EFHB: variants seen among roughly 807,000 people sequenced by gnomAD.
The protein encoded by EFHB is EF-hand domain family member B.
Under a neutral mutation model 87.2 loss-of-function variants are expected in EFHB, and 91 were observed. The ratio of observed to expected loss-of-function variants is 1.04; its 90% CI spans 0.88 to 1.24. The LOEUF (loss-of-function observed/expected upper bound fraction) is 1.24. Among genes scored for constraint, EFHB ranks in the 50% most tolerant of loss-of-function variants. The pLI is 0.00. For synonymous variants in EFHB, 325 were observed against 333.6 expected, an observed-to-expected ratio of 0.97 and a Z score of 0.28; for missense variants, 1,084 against 998.8, an observed-to-expected ratio of 1.09 and a Z score of -1.15.
chr3:19,884,142 ATAACATTCAAT>A (rs1438381807), intron 11 of EFHB, among the ~76,000 whole-genome samples: 49 of 152,234 alleles, frequency 3.2e-4, no homozygotes, highest in Non-Finnish European at 5.6e-4. Context: ...ACTACAATGT[ATAACATTCAAT>A]GTTCTGATCT....
intron 6 of EFHB, among the ~76,000 whole-genome samples, chr3:19,903,593 G>A (rs1378101473): frequency 6.6e-6 from 1 of 151,868 alleles, no homozygotes. Flanking sequence ...TATTTATTAT[G>A]TAAATGCTTC....
intron 9 of EFHB, among the ~76,000 whole-genome samples, chr3:19,892,095 T>C (rs924026180): frequency 1.3e-5 from 2 of 152,148 alleles, no homozygotes; most frequent in African/African-American, 4.8e-5. Flanking sequence ...AGTCCAATCA[T>C]ATGGGTCTAG....
At chr3:19,899,151 A>T (rs1031428239) in intron 7 of EFHB, among the ~76,000 whole-genome samples, 1 of 152,226 alleles carries the variant, frequency 6.6e-6, no homozygotes, top group African/African-American at 2.4e-5. Context: ...AAGACAAAGA[A>T]AAATATAAAC....
intron 1 of EFHB, among the ~76,000 whole-genome samples, chr3:19,932,914 G>A (rs1342032280): frequency 1.3e-5 from 2 of 152,108 alleles, no homozygotes; most frequent in Non-Finnish European, 2.9e-5. Context: ...TGAATATTAG[G>A]GCACAGCATG....
In EFHB at chr3:19,905,701, C is replaced by T; in HGVS notation, c.1337G>A (p.Ser446Asn). The T allele has an allele frequency of 6.2e-7, 1 of 1,613,586 alleles. No homozygotes were observed. Among genetic ancestry groups the T allele is most frequent in the South Asian group, 1.1e-5 (1 of 91,040 alleles). Residue 446 changes from serine (S) to asparagine (N), a missense_variant, in exon 6 of 13, where the codon AGT becomes AAT. Transcript: ENST00000295824. ...KYNPSSFHRC[S>N]VYGVPTPHFN... ...ATGTGGTGTTGGTACTCCATACACA[C>T]TACACCTATGGAAACTTGATGGGTT...
chr3:19,915,808 A>G (rs941451462), intron 4 of EFHB, among the ~76,000 whole-genome samples: 1 of 151,752 alleles, frequency 6.6e-6, no homozygotes, highest in African/African-American at 2.4e-5. Flanking sequence ...CGCCATCTCT[A>G]CTGAAAATAC....
At chr3:19,916,523 A>T (rs1695238863) in intron 4 of EFHB, among the ~76,000 whole-genome samples, 1 of 151,860 alleles carries the variant, frequency 6.6e-6, no homozygotes, top group South Asian at 2.1e-4. Flanking sequence ...TCAAAAAAAA[A>T]ATTAATTCAT....
chr3:19,935,303 G>T (rs1356110385), upstream of EFHB, among the ~76,000 whole-genome samples: 1 of 152,294 alleles, frequency 6.6e-6, no homozygotes, highest in East Asian at 1.9e-4. Context: ...TTGTTTTTAA[G>T]TAGGAGATTT....
chr3:19,893,245 T>C (rs1694364769), intron 9 of EFHB, among the ~76,000 whole-genome samples: 1 of 152,196 alleles, frequency 6.6e-6, no homozygotes, highest in South Asian at 2.1e-4. Context: ...CCAGCCCATA[T>C]TCTCTATTTT....
In EFHB at chr3:19,915,409, G is replaced by A. The variant is rs755470847; in HGVS notation, c.1182C>T (p.Tyr394=). Residue 394 remains tyrosine, a synonymous_variant, in exon 5 of 13, where the codon TAC becomes TAT. Coordinates refer to ENST00000295824, the MANE Select transcript of EFHB (RefSeq NM_144715.4). ...TTFGTAVIKE[Y]SAKDVVNPPK... Reference sequence around the variant, plus strand: ...GTGGATTCACCACATCTTTAGCAGAGTATTCTGAAGGAAGAATTAATAAAA... The same window carrying A: ...GTGGATTCACCACATCTTTAGCAGAATATTCTGAAGGAAGAATTAATAAAA... 1.3e-6 allele frequency: 2 copies of A among 1,594,806 alleles called. No individual in the cohort carries two copies. The highest frequency in any genetic ancestry group is 2.2e-5 in the East Asian group (1 of 44,692).
At chr3:19,879,912 T>G in intron 12 of EFHB, 108 bp from the exon 13 acceptor site, 2 of 1,092,706 alleles carry the variant, frequency 1.8e-6, no homozygotes, top group Non-Finnish European at 2.6e-6. Flanking sequence ...AAAAAGTATG[T>G]GTGAAAAGTA....
chr3:19,916,468 T>A (rs941584325), intron 4 of EFHB, among the ~76,000 whole-genome samples: 5 of 151,508 alleles, frequency 3.3e-5, no homozygotes, highest in African/African-American at 1.2e-4. Context: ...GGAGCCAAGA[T>A]CACGACACTG....
chr3:19,879,904 A>C, intron 12 of EFHB, 100 bp from the exon 13 acceptor site: 1 of 1,198,310 alleles, frequency 8.3e-7, no homozygotes. Flanking sequence ...TTTTTCCAAA[A>C]AAGTATGTGT....
Position 19,919,992 on chromosome 3 carries a change from C to A in EFHB, c.853-16G>T, listed in dbSNP as rs757183534. On this transcript the variant is annotated splice_polypyrimidine_tract_variant and intron_variant, in intron 2 of 12. Coordinates refer to ENST00000295824, the MANE Select transcript of EFHB (RefSeq NM_144715.4). ...GAGTAATTAGCTACAAAGAGTGAGG[C>A]AAGAAAATAGTATTAAGTACAGTTT... The A allele has an allele frequency of 6.2e-7, 1 of 1,612,994 alleles. No homozygotes were observed. The highest frequency in any genetic ancestry group is 2.2e-5 in the East Asian group (1 of 44,780).
At chr3:19,909,810 G>A (rs540104419) in intron 5 of EFHB, among the ~76,000 whole-genome samples, 2 of 152,268 alleles carry the variant, frequency 1.3e-5, no homozygotes, top group East Asian at 3.9e-4. Context: ...CTGGTTTGCA[G>A]ATGACGTTTC....
chr3:19,898,168 C>G (rs1694548050), intron 8 of EFHB, among the ~76,000 whole-genome samples: 1 of 152,190 alleles, frequency 6.6e-6, no homozygotes, highest in East Asian at 1.9e-4. Flanking sequence ...AGACAAAATC[C>G]AAGTAAGTTT....
chr3:19,934,032 C>A lies in EFHB; in HGVS notation c.-14G>T. The stretch of plus-strand genomic sequence containing the variant: ...CTCCATGTTCATGGACGATTTCTCC[C>A]CATTCTCATTTCTCCAAGAGCGCTC... On this transcript the variant is annotated 5_prime_UTR_variant, in exon 1 of 13. Coordinates refer to ENST00000295824, the MANE Select transcript of EFHB (RefSeq NM_144715.4). 6.3e-7 allele frequency: 1 copy of A among 1,579,454 alleles called. No individual in the cohort carries two copies. Among genetic ancestry groups the A allele is most frequent in the East Asian group, 2.3e-5 (1 of 43,810 alleles).
rs2125168014 is a variant in EFHB, at chr3:19,933,680, A to T, written c.339T>A (p.Asn113Lys). The change falls in exon 1 of 13, where the codon AAT becomes AAA. Residue 113 changes from asparagine (N) to lysine (K), a missense_variant. Coordinates refer to ENST00000295824, the MANE Select transcript of EFHB (RefSeq NM_144715.4). ...GGGTATATCCTGCAAGAAGACTCTC[A>T]TTTTCTAACCCCATTCTTCCTGGCA... ...SLLPGRMGLENESLLAGYTHE... is the reference protein window; with the variant it reads ...SLLPGRMGLEKESLLAGYTHE... The T allele has an allele frequency of 6.2e-7, 1 of 1,613,872 alleles. No individual in the cohort carries two copies.
chr3:19,910,470 C>T (rs1695016412), intron 5 of EFHB, among the ~76,000 whole-genome samples: 1 of 152,152 alleles, frequency 6.6e-6, no homozygotes, highest in East Asian at 1.9e-4. Flanking sequence ...AAATTTTTGA[C>T]TCTAGTCCTT....
Sources: gnomAD v4.1 joint callset for allele counts (sites outside exome capture counted in the v4.1 genomes callset) on GRCh38, gnomAD v4.1.1 for gene constraint, MANE v1.5 for transcripts, NCBI Gene and HGNC (gene_info 2026-07-23, HGNC 2026-07-21) for gene names.